The following LRFN5 variants were observed in gnomAD, a reference collection of about 807,000 sequenced individuals.
The protein encoded by LRFN5 is leucine rich repeat and fibronectin type III domain containing 5, also known as leucine-rich repeat and fibronectin type-III domain-containing protein 5.
A neutral mutation model predicts 45.6 loss-of-function variants in LRFN5; 24 were observed. That is an observed-to-expected ratio of 0.53 (90% CI 0.38 to 0.74). The LOEUF (loss-of-function observed/expected upper bound fraction) is 0.74. Ranked by LOEUF, LRFN5 falls within the 30% of genes least tolerant of loss-of-function variation. LRFN5 has a pLI of 0.00. For synonymous variants in LRFN5, 340 were observed against 313.8 expected (o/e 1.08, Z -0.88); for missense variants, 776 against 861.5 (o/e 0.90, Z 1.24).
intron 1 of LRFN5, among the ~76,000 whole-genome samples, chr14:41,684,477 A>T: frequency 6.6e-6 from 1 of 152,140 alleles, no homozygotes; most frequent in South Asian, 2.1e-4. Context: ...AAACTCTTAT[A>T]CAACTGTCAG....
intron 2 of LRFN5, among the ~76,000 whole-genome samples, chr14:41,822,667 C>G (rs1888152604): frequency 6.6e-6 from 1 of 151,894 alleles, no homozygotes; most frequent in African/African-American, 2.4e-5. Flanking sequence ...TTCATTTGGT[C>G]TAGCATCCAA....
At chr14:41,694,051 A>G (rs74046614) in intron 1 of LRFN5, among the ~76,000 whole-genome samples, 2 of 152,012 alleles carry the variant, frequency 1.3e-5, no homozygotes, top group African/African-American at 2.4e-5. Context: ...TATTAATACC[A>G]TGAAATATAC....
intron 1 of LRFN5, among the ~76,000 whole-genome samples, chr14:41,615,993 C>T (rs1408131730): frequency 6.6e-6 from 1 of 152,068 alleles, no homozygotes. Flanking sequence ...AACAACTGGT[C>T]AATCCAAGTT....
chr14:41,673,222 G>A (rs1405890065), intron 1 of LRFN5, among the ~76,000 whole-genome samples: 1 of 151,984 alleles, frequency 6.6e-6, no homozygotes, highest in African/African-American at 2.4e-5. Flanking sequence ...TTCTCAATGA[G>A]CTGTTGGGTA....
chr14:41,678,290 C>T (rs1043204725), intron 1 of LRFN5, among the ~76,000 whole-genome samples: 4 of 150,762 alleles, frequency 2.7e-5, no homozygotes, highest in Admixed American at 6.6e-5. Flanking sequence ...ATATATATTC[C>T]GTATATGTAT....
At chr14:41,758,390 A>G (rs2138862240) in intron 1 of LRFN5, among the ~76,000 whole-genome samples, 1 of 152,326 alleles carries the variant, frequency 6.6e-6, no homozygotes, top group East Asian at 1.9e-4. Context: ...CATATAAACT[A>G]CTTTCAAAGA....
chr14:41,787,121 A>G (rs1886750172), intron 2 of LRFN5, among the ~76,000 whole-genome samples: 1 of 147,652 alleles, frequency 6.8e-6, no homozygotes, highest in African/African-American at 2.5e-5. Context: ...ATTTTCTTCT[A>G]TTGATTGACT....
chr14:41,808,236 AATTGAGGGAGGGAGGGAGAG>A (rs1887593169), intron 2 of LRFN5, among the ~76,000 whole-genome samples: 2 of 93,380 alleles, frequency 2.1e-5, no homozygotes, highest in African/African-American at 8.0e-5. Context: ...GGAAGGAAGG[AATTGAGGGAGGGAGGGAGAG>A]AGGAAGGACC....
chr14:41,631,240 CAG>C (rs1888521628), intron 1 of LRFN5, among the ~76,000 whole-genome samples: 1 of 151,038 alleles, frequency 6.6e-6, no homozygotes, highest in African/African-American at 2.4e-5. Context: ...TTGGCTTCCA[CAG>C]ACTCTATTTT....
chr14:41,767,651 A>G (rs1409707627), intron 2 of LRFN5, among the ~76,000 whole-genome samples: 1 of 152,222 alleles, frequency 6.6e-6, no homozygotes, highest in African/African-American at 2.4e-5. Flanking sequence ...AGGAAAATGA[A>G]TTGAAATCAG....
At chr14:41,752,378 C>T (rs1228387286) in intron 1 of LRFN5, among the ~76,000 whole-genome samples, 1 of 152,180 alleles carries the variant, frequency 6.6e-6, no homozygotes, top group Non-Finnish European at 1.5e-5. Context: ...TACAGTCCCA[C>T]CAACAGTGTA....
chr14:41,856,093 G>C (rs1016482261), intron 2 of LRFN5, among the ~76,000 whole-genome samples: 14 of 152,146 alleles, frequency 9.2e-5, no homozygotes, highest in Admixed American at 5.9e-4. Context: ...TCGAATTTCA[G>C]TAGTCCTTTC....
At chr14:41,904,125 C>A (rs750578349) in intron 5 of LRFN5, 33 bp from the exon 6 acceptor site, 1 of 1,529,558 alleles carries the variant, frequency 6.5e-7, no homozygotes, top group Non-Finnish European at 9.0e-7. Context: ...TCCTTTCTTT[C>A]TTTTTTTCCT....
At chr14:41,894,305 G>A in intron 4 of LRFN5, 3 of 930,454 alleles carry the variant, frequency 3.2e-6, no homozygotes, top group South Asian at 9.9e-5. Context: ...TTCTAATAAA[G>A]TTTGATTAAA....
chr14:41,750,280 TATATATATATATA>T (rs1885076631), intron 1 of LRFN5, among the ~76,000 whole-genome samples: 1 of 9,690 alleles, frequency 1.0e-4, no homozygotes, highest in Non-Finnish European at 1.8e-4. Flanking sequence ...TATATATATA[TATATATATATATA>T]TATAAGATTT....
At chr14:41,730,315 T>G (rs1379400512) in intron 1 of LRFN5, among the ~76,000 whole-genome samples, 1 of 152,048 alleles carries the variant, frequency 6.6e-6, no homozygotes, top group African/African-American at 2.4e-5. Context: ...ACAGTAAATA[T>G]TGAACAAAAC....
At chr14:41,741,814 T>TAA (rs59143932) in intron 1 of LRFN5, among the ~76,000 whole-genome samples, 22,670 of 134,784 alleles carry the variant, frequency 0.17, 1,741 homozygotes, top group Admixed American at 0.21. Context: ...GGGGCTAAAA[T>TAA]AAAAAAAAAA....
chr14:41,677,559 T>C (rs574350898), intron 1 of LRFN5, among the ~76,000 whole-genome samples: 8 of 152,266 alleles, frequency 5.3e-5, no homozygotes, highest in African/African-American at 1.9e-4. Context: ...ATGCAACTTG[T>C]TTGAAAGAAT....
chr14:41,612,416 A>C (rs956906123), intron 1 of LRFN5, among the ~76,000 whole-genome samples: 1 of 152,288 alleles, frequency 6.6e-6, no homozygotes, highest in East Asian at 1.9e-4. Flanking sequence ...TTACTTAAAA[A>C]TGTAACATAT....
Sources: gnomAD v4.1 joint callset for allele counts (sites outside exome capture counted in the v4.1 genomes callset) on GRCh38, gnomAD v4.1.1 for gene constraint, MANE v1.5 for transcripts, NCBI Gene and HGNC (gene_info 2026-07-23, HGNC 2026-07-21) for gene names.